Variants in APBB2 observed in about 807,000 individuals in gnomAD.
APBB2 encodes the protein amyloid beta precursor protein binding family B member 2.
Under a neutral mutation model 82.5 loss-of-function variants are expected in APBB2, and 38 were observed. That is an observed-to-expected ratio of 0.46 (90% CI 0.36 to 0.60). APBB2 has a LOEUF of 0.60. APBB2 is among the 20% of genes least tolerant of loss of function. APBB2 has a pLI of 0.00. For synonymous variants in APBB2, 341 were observed against 368.2 expected, an observed-to-expected ratio of 0.93 and a Z score of 0.85; for missense variants, 772 against 972.3, an observed-to-expected ratio of 0.79 and a Z score of 2.74.
At chr4:40,975,907 T>G (rs1386797492) in intron 6 of APBB2, among the ~76,000 whole-genome samples, 1 of 152,200 alleles carries the variant, frequency 6.6e-6, no homozygotes, top group African/African-American at 2.4e-5. Context: ...CTAGGGACTC[T>G]CATGAATACT....
intron 10 of APBB2, among the ~76,000 whole-genome samples, chr4:40,919,108 C>T (rs1056006996): frequency 1.3e-5 from 2 of 152,184 alleles, no homozygotes; most frequent in Admixed American, 6.5e-5. Flanking sequence ...GCATCCTTTC[C>T]ATTGTGGCTG....
intron 10 of APBB2, among the ~76,000 whole-genome samples, chr4:40,901,151 C>T (rs140460234): frequency 3.9e-5 from 6 of 152,178 alleles, no homozygotes; most frequent in African/African-American, 1.4e-4. Context: ...GTTACTCAAT[C>T]TTGGTGAGCC....
At chr4:41,085,436 A>ACC (rs2153942429) in intron 3 of APBB2, among the ~76,000 whole-genome samples, 1 of 152,250 alleles carries the variant, frequency 6.6e-6, no homozygotes, top group South Asian at 2.1e-4. Context: ...AAATTTTCAG[A>ACC]CCACTGGTCC....
chr4:40,902,265 A>G (rs1015684898), intron 10 of APBB2, among the ~76,000 whole-genome samples: 27 of 152,242 alleles, frequency 1.8e-4, no homozygotes, highest in African/African-American at 6.3e-4. Context: ...CCGTCAAGAC[A>G]TCAACACGTA....
intron 10 of APBB2, among the ~76,000 whole-genome samples, chr4:40,896,674 C>T (rs1359966924): frequency 6.6e-6 from 1 of 152,102 alleles, no homozygotes; most frequent in Non-Finnish European, 1.5e-5. Flanking sequence ...TTAGGGTGAC[C>T]ACATGTCCCA....
intron 4 of APBB2, among the ~76,000 whole-genome samples, chr4:41,049,049 A>G (rs1056127830): frequency 6.6e-6 from 1 of 151,946 alleles, no homozygotes; most frequent in African/African-American, 2.4e-5. Flanking sequence ...TTGGCCTCCC[A>G]AAGTGCCGAG....
intron 12 of APBB2, chr4:40,881,527 T>TA: frequency 9.4e-6 from 2 of 212,726 alleles, no homozygotes; most frequent in Non-Finnish European, 1.3e-5. Context: ...TCTTTTCTTT[T>TA]CTTTTTCTTT....
intron 2 of APBB2, among the ~76,000 whole-genome samples, chr4:41,119,840 G>A (rs1752266456): frequency 6.6e-6 from 1 of 152,142 alleles, no homozygotes; most frequent in Admixed American, 6.6e-5. Flanking sequence ...GGCAGCAACT[G>A]TGTTTTTTAG....
In APBB2 at chr4:40,848,964, A is replaced by T. The variant is rs887596295; in HGVS notation, c.1530-18387T>A. ...CCAAGAAAGTAAAGCTCATGCGAGC[A>T]AGAACCTTTCTGCCTGTTCACTTAC... On this transcript the variant is annotated intron_variant, in intron 12 of 17. Coordinates refer to ENST00000508593, the MANE Select transcript of APBB2 (RefSeq NM_004307.2). The T allele has an allele frequency of 1.5e-5, 14 of 961,218 alleles. No individual in the cohort carries two copies. The African/African-American group carries it at 2.5e-4, about 17-fold the overall frequency. 59.5% of individuals were successfully genotyped at this position (961,218 alleles called of 1,614,324 possible).
chr4:41,115,152 C>A (rs1580159234), intron 2 of APBB2, among the ~76,000 whole-genome samples: 1 of 152,258 alleles, frequency 6.6e-6, no homozygotes, highest in East Asian at 1.9e-4. Context: ...AGAACAAAGG[C>A]ATCAGAAATA....
chr4:40,867,090 C>G (rs1764217864), intron 12 of APBB2, among the ~76,000 whole-genome samples: 1 of 152,244 alleles, frequency 6.6e-6, no homozygotes, highest in Admixed American at 6.5e-5. Flanking sequence ...TAGTGTATCA[C>G]CATTTTTGTA....
intron 5 of APBB2, among the ~76,000 whole-genome samples, chr4:41,027,053 T>A (rs1160129556): frequency 6.6e-6 from 1 of 152,198 alleles, no homozygotes; most frequent in African/African-American, 2.4e-5. Flanking sequence ...TCCTGTTTTG[T>A]TACAGTTTGT....
At position 40,813,983 on chromosome 4, in the gene APBB2, G is replaced by A. The variant is rs1439001421; in HGVS notation, c.*2109C>T. ...CAGACTGCGTTTCTAAAGTAGCATA[G>A]TTTTGTCATAACATTGGGGTGCTAA... is the stretch of plus-strand genomic sequence containing the variant. On this transcript the variant is annotated 3_prime_UTR_variant, in exon 18 of 18. Transcript: ENST00000508593. 3.9e-5 allele frequency: 6 copies of A among 152,204 alleles called. No individual in the cohort carries two copies. The highest frequency in any genetic ancestry group is 2.6e-4 in the Admixed American group (4 of 15,274). The allele number at this position is 152,204 out of a possible 1,614,324, so 9.4% of individuals were successfully genotyped here. A position where few individuals can be genotyped will look rare whatever the true frequency, so the allele number is the denominator to read the frequency against.
intron 10 of APBB2, among the ~76,000 whole-genome samples, chr4:40,920,658 G>A (rs186495658): frequency 2.5e-3 from 381 of 152,292 alleles, no homozygotes; most frequent in Non-Finnish European, 3.9e-3. Context: ...GATCACCTGA[G>A]GTCAGTGGTT....
chr4:41,072,198 T>G (rs139042504), intron 3 of APBB2, among the ~76,000 whole-genome samples: 24 of 152,304 alleles, frequency 1.6e-4, no homozygotes, highest in African/African-American at 4.8e-4. Context: ...GGAGATAAAT[T>G]GATGGCGAAT....
At chr4:41,196,323 G>T in intron 1 of APBB2, among the ~76,000 whole-genome samples, 2 of 152,188 alleles carry the variant, frequency 1.3e-5, no homozygotes, top group Admixed American at 6.5e-5. Context: ...CCAAAGTTCA[G>T]ATTTTCATCT....
chr4:41,116,401 A>T (rs574739215), intron 2 of APBB2, among the ~76,000 whole-genome samples: 1 of 152,290 alleles, frequency 6.6e-6, no homozygotes, highest in East Asian at 1.9e-4. Context: ...CAACATGGCA[A>T]GTGTATACCT....
chr4:40,902,014 A>T (rs373494832), intron 10 of APBB2, among the ~76,000 whole-genome samples: 3 of 152,152 alleles, frequency 2.0e-5, no homozygotes, highest in Non-Finnish European at 4.4e-5. Context: ...GTATATCTTC[A>T]CTTAACATCA....
At position 41,107,140 on chromosome 4, in the gene APBB2, T is replaced by C. The variant is rs114445933; in HGVS notation, c.-260-6390A>G. Among the ~76,000 whole-genome samples the C allele has an allele frequency of 8.9e-3, 1,356 of 152,016 alleles. 11 individuals carry two copies. The highest frequency in any genetic ancestry group is 0.012 in the Non-Finnish European group (836 of 67,956). On this transcript the variant is annotated intron_variant, in intron 2 of 17. Coordinates refer to ENST00000508593, the MANE Select transcript of APBB2 (RefSeq NM_004307.2). The stretch of plus-strand genomic sequence containing the variant: ...GCCTGGCCAACACAGTGAAACCCCA[T>C]CTTTACAAAAAAATACAAAAATTAG...
Sources: gnomAD v4.1 joint callset for allele counts (sites outside exome capture counted in the v4.1 genomes callset) on GRCh38, gnomAD v4.1.1 for gene constraint, MANE v1.5 for transcripts, NCBI Gene and HGNC (gene_info 2026-07-23, HGNC 2026-07-21) for gene names.